The following MBD5 variants were observed in gnomAD, a reference collection of about 807,000 sequenced individuals.
MBD5 encodes methyl-CpG-binding domain protein 5.
Under a neutral mutation model 117.3 loss-of-function variants are expected in MBD5, and 13 were observed. The observed-to-expected ratio is 0.11, with a 90% CI of 0.07 to 0.18. The LOEUF (loss-of-function observed/expected upper bound fraction) is 0.18. Among genes scored for constraint, MBD5 ranks in the 10% least tolerant of loss-of-function variants. The pLI, the probability that MBD5 is intolerant of heterozygous loss-of-function variation, is 1.00. For missense variants in MBD5, 1,879 were observed against 2,093.8 expected, an observed-to-expected ratio of 0.90 and a Z score of 2.00; for synonymous variants, 727 against 766.4, an observed-to-expected ratio of 0.95 and a Z score of 0.85.
chr2:148,145,986 C>T (rs1697450118), intron 1 of MBD5, among the ~76,000 whole-genome samples: 1 of 152,158 alleles, frequency 6.6e-6, no homozygotes, highest in Admixed American at 6.6e-5. Flanking sequence ...GGCGGATTCT[C>T]TCTTTTTCTA....
intron 4 of MBD5, among the ~76,000 whole-genome samples, chr2:148,370,774 T>C (rs1215035199): frequency 6.6e-6 from 1 of 152,060 alleles, no homozygotes; most frequent in East Asian, 1.9e-4. Flanking sequence ...CAGGCATGAG[T>C]CTCCATGCTG....
intron 4 of MBD5, among the ~76,000 whole-genome samples, chr2:148,378,862 T>C (rs935169355): frequency 4.6e-5 from 7 of 152,086 alleles, no homozygotes; most frequent in Non-Finnish European, 8.8e-5. Context: ...ATTGACCAGT[T>C]TGGAAAGTAA....
chr2:148,204,715 C>A (rs1348149673), intron 2 of MBD5, among the ~76,000 whole-genome samples: 2 of 152,080 alleles, frequency 1.3e-5, no homozygotes, highest in Non-Finnish European at 2.9e-5. Context: ...AAATTTAGCC[C>A]AAATGTCTTC....
chr2:148,448,329 T>C (rs1046529182), intron 4 of MBD5, among the ~76,000 whole-genome samples: 7 of 152,068 alleles, frequency 4.6e-5, no homozygotes, highest in African/African-American at 1.4e-4. Flanking sequence ...ACTGTAGTTA[T>C]CTTGAACATT....
At chr2:148,313,355 G>T (rs561670012) in intron 3 of MBD5, among the ~76,000 whole-genome samples, 1 of 152,208 alleles carries the variant, frequency 6.6e-6, no homozygotes, top group Non-Finnish European at 1.5e-5. Context: ...TGTTCTCAGA[G>T]AGGAGGAATC....
chr2:148,091,520 T>A (rs1695943248), intron 1 of MBD5, among the ~76,000 whole-genome samples: 1 of 152,160 alleles, frequency 6.6e-6, no homozygotes, highest in African/African-American at 2.4e-5. Flanking sequence ...TACAGCCAAC[T>A]GATCTTCAAC....
At chr2:148,265,026 A>G (rs975224955) in intron 3 of MBD5, 1 of 151,764 alleles carries the variant, frequency 6.6e-6, no homozygotes, top group African/African-American at 2.4e-5. Flanking sequence ...GCAGCCATCA[A>G]CAGATGTCAT....
chr2:148,144,929 G>T (rs560358680), intron 1 of MBD5, among the ~76,000 whole-genome samples: 1 of 152,236 alleles, frequency 6.6e-6, no homozygotes, highest in East Asian at 1.9e-4. Context: ...TTGGCAATGC[G>T]GGCTCTTTTT....
chr2:148,413,132 G>A (rs1469619956), intron 4 of MBD5, among the ~76,000 whole-genome samples: 2 of 151,860 alleles, frequency 1.3e-5, no homozygotes, highest in African/African-American at 4.8e-5. Flanking sequence ...GGTATGGTAT[G>A]TCCCTTCAAT....
chr2:148,436,763 T>C (rs2105369957), intron 4 of MBD5, among the ~76,000 whole-genome samples: 1 of 152,234 alleles, frequency 6.6e-6, no homozygotes, highest in East Asian at 1.9e-4. Flanking sequence ...TTTCCAAATG[T>C]TGGCTACAAC....
At chr2:148,424,197 A>AC (rs1705704227) in intron 4 of MBD5, among the ~76,000 whole-genome samples, 3 of 82,654 alleles carry the variant, frequency 3.6e-5, no homozygotes, top group African/African-American at 1.4e-4. Context: ...AAAAAAAAAA[A>AC]AAAAAAAAAA....
intron 1 of MBD5, among the ~76,000 whole-genome samples, chr2:148,102,741 G>C (rs201472297): frequency 0.34 from 36,292 of 108,124 alleles, 5,219 homozygotes; most frequent in East Asian, 0.48. Flanking sequence ...GAGAGAGAGA[G>C]AGAGAGAGAG....
At chr2:148,470,540 T>C in intron 8 of MBD5, 79 bp downstream of exon 8, 1 of 1,125,720 alleles carries the variant, frequency 8.9e-7, no homozygotes, top group Non-Finnish European at 1.2e-6. Context: ...AAAATATTTA[T>C]TATGATAAGA....
Position 148,462,641 on chromosome 2 carries a change from G to A in MBD5, c.173G>A (p.Gly58Glu). Residue 58 changes from glycine (G) to glutamate (E), a missense_variant, in exon 6 of 14, where the codon GGA becomes GAA. Physicochemically the swap from Gly to Glu is moderately conservative, Grantham distance 98. Coordinates refer to ENST00000642680, the MANE Select transcript of MBD5 (RefSeq NM_001378120.1). ...GTTAAAACATACCTGCTTACTGATGGAACATGCAAGTGTGGCTTGGAATGT... is the reference window on the plus strand; with the variant it reads ...GTTAAAACATACCTGCTTACTGATGAAACATGCAAGTGTGGCTTGGAATGT... Reference protein sequence around the residue: ...EQVKTYLLTDGTCKCGLECPL... With the variant: ...EQVKTYLLTDETCKCGLECPL... 1 of 1,612,978 alleles carries A rather than the reference G, an allele frequency of 6.2e-7. No individual in the cohort carries two copies. The highest frequency in any genetic ancestry group is 8.5e-7 in the Non-Finnish European group (1 of 1,179,364).
intron 4 of MBD5, among the ~76,000 whole-genome samples, chr2:148,445,250 T>TA (rs1226818956): frequency 2.6e-5 from 4 of 151,200 alleles, no homozygotes; most frequent in Admixed American, 6.6e-5. Context: ...ACTCGTCATT[T>TA]ACATTAGGTG....
At chr2:148,388,873 A>G (rs949683786) in intron 4 of MBD5, among the ~76,000 whole-genome samples, 4 of 152,046 alleles carry the variant, frequency 2.6e-5, no homozygotes, top group African/African-American at 9.7e-5. Context: ...GGATACATGT[A>G]CAGATTTGTT....
rs921434746 is a variant in MBD5 at position 148,470,215 on chromosome 2, G to A, written c.2272G>A (p.Ala758Thr). Residue 758 changes from alanine to threonine, a missense_variant, in exon 8 of 14, where the codon GCC (alanine) becomes ACC (threonine). Around this residue, in one of 4 missense-constraint regions of MBD5, gnomAD observed 1,666 missense variants for 1,792.2 expected, o/e 0.93. Transcript: ENST00000642680. The stretch of plus-strand genomic sequence containing the variant: ...TCAGAACATACCTTTAAGAGGGGAA[G>A]CCGTGCACTGCCACAATGCAAACAC... ...VLQNIPLRGE[A>T]VHCHNANTNF... is the part of the protein sequence containing the mutation. 1.9e-6 allele frequency: 3 copies of A among 1,613,848 alleles called. No homozygotes were observed. The highest frequency in any genetic ancestry group is 3.3e-5 in the Admixed American group (2 of 59,960).
At chr2:148,141,800 A>T (rs1697321218) in intron 1 of MBD5, among the ~76,000 whole-genome samples, 2 of 137,448 alleles carry the variant, frequency 1.5e-5, no homozygotes, top group African/African-American at 4.9e-5. Context: ...TCAAAAAAAA[A>T]AAATGTTTTT....
At chr2:148,420,843 C>T (rs901470805) in intron 4 of MBD5, among the ~76,000 whole-genome samples, 4 of 152,102 alleles carry the variant, frequency 2.6e-5, no homozygotes, top group Non-Finnish European at 5.9e-5. Flanking sequence ...TCCCCCACCT[C>T]AGCCTCCCAA....
Sources: gnomAD v4.1 joint callset for allele counts (sites outside exome capture counted in the v4.1 genomes callset) on GRCh38, gnomAD v4.1.1 for gene constraint, gnomAD v4.1.1 regional missense constraint, MANE v1.5 for transcripts, NCBI Gene and HGNC (gene_info 2026-07-23, HGNC 2026-07-21) for gene names.